Variants in XPO7 observed in about 807,000 individuals in gnomAD.
XPO7 encodes the protein exportin 7.
A neutral mutation model predicts 144.3 loss-of-function variants in XPO7; 21 were observed. The observed-to-expected ratio is 0.15, with a 90% confidence interval of 0.10 to 0.21. The LOEUF is 0.21. Among genes scored for constraint, XPO7 ranks in the 10% least tolerant of loss-of-function variants. The pLI is 1.00. For synonymous variants in XPO7, 580 were observed against 499.6 expected (o/e 1.16, Z -2.15); for missense variants, 808 against 1,325.8 (o/e 0.61, Z 6.06).
chr8:21,955,294 T>G lies in XPO7; in HGVS notation c.19-11563T>G, dbSNP rs567232870. Among the ~76,000 whole-genome samples, 16 of 152,142 alleles carry G rather than the reference T, an allele frequency of 1.1e-4. No individual in the cohort carries two copies. The South Asian group carries it at 1.7e-3, about 16-fold the overall frequency. ...GGTGGCAAAAGCCAGGTATATGGGG[T>G]TTTTTTTCCTCCTTATCAGAACTCA... On this transcript the variant is annotated intron_variant, in intron 1 of 27. Coordinates refer to ENST00000252512, the MANE Select transcript of XPO7 (RefSeq NM_015024.5).
At chr8:21,928,052 C>G (rs1810520533) in intron 1 of XPO7, among the ~76,000 whole-genome samples, 1 of 152,214 alleles carries the variant, frequency 6.6e-6, no homozygotes, top group South Asian at 2.1e-4. Context: ...ACCTGTGACT[C>G]CGGGATCAAA....
intron 1 of XPO7, among the ~76,000 whole-genome samples, chr8:21,946,530 C>T (rs1451117786): frequency 3.3e-5 from 4 of 122,248 alleles, no homozygotes; most frequent in Admixed American, 2.8e-4. Context: ...TAAGATACCA[C>T]GAAATAACTA....
chr8:21,959,869 CG>C (rs1563322018), intron 1 of XPO7, among the ~76,000 whole-genome samples: 1 of 152,150 alleles, frequency 6.6e-6, no homozygotes, highest in African/African-American at 2.4e-5. Context: ...CACAGTCATA[CG>C]TTAAGACCGG....
chr8:21,962,889 A>G (rs1811769794), intron 1 of XPO7, among the ~76,000 whole-genome samples: 1 of 152,196 alleles, frequency 6.6e-6, no homozygotes, highest in East Asian at 1.9e-4. Flanking sequence ...AAATAGAGTA[A>G]AATGTAATTT....
intron 20 of XPO7, 34 bp downstream of exon 20, chr8:21,994,485 C>T (rs1290692291): frequency 6.4e-7 from 1 of 1,569,842 alleles, no homozygotes; most frequent in Admixed American, 1.7e-5. Context: ...ACACTACAGC[C>T]TGCCTTAACT....
intron 1 of XPO7, among the ~76,000 whole-genome samples, chr8:21,957,717 A>T (rs1811583451): frequency 6.6e-6 from 1 of 152,206 alleles, no homozygotes; most frequent in African/African-American, 2.4e-5. Context: ...AGACGTTCTT[A>T]TGAAGCTCCT....
At position 21,980,306 on chromosome 8, in the gene XPO7, G is replaced by C. The variant is rs1424600603; in HGVS notation, c.957+103G>C. ...CAAGGCCCAGTAAACAATTCAGTCT[G>C]TTCTTCAGGGAAGACTGAAGTGAAT... On this transcript the variant is annotated intron_variant, in intron 9 of 27. Transcript: ENST00000252512. 3.7e-6 allele frequency: 5 copies of C among 1,351,656 alleles called. No individual in the cohort carries two copies. The South Asian group carries it at 4.8e-5, about 13-fold the overall frequency. 83.7% of individuals were successfully genotyped at this position (1,351,656 alleles called of 1,614,324 possible). A position where few individuals can be genotyped will look rare whatever the true frequency, so the allele number is the denominator to read the frequency against.
At chr8:21,968,860 C>G (rs894494330) in intron 2 of XPO7, among the ~76,000 whole-genome samples, 18 of 152,152 alleles carry the variant, frequency 1.2e-4, no homozygotes, top group Non-Finnish European at 2.4e-4. Flanking sequence ...CTTGTTAAAC[C>G]CACATTTGAG....
At chr8:21,955,932 T>C (rs193266168) in intron 1 of XPO7, among the ~76,000 whole-genome samples, 169 of 152,186 alleles carry the variant, frequency 1.1e-3, no homozygotes, top group African/African-American at 3.7e-3. Context: ...TTTCACCCTG[T>C]TGGCCAGGAT....
chr8:21,966,343 A>G, intron 1 of XPO7: 2 of 779,702 alleles, frequency 2.6e-6, no homozygotes, highest in Non-Finnish European at 4.8e-6. Flanking sequence ...AGCTTTCTCT[A>G]GAGGTTTTCT....
intron 21 of XPO7, among the ~76,000 whole-genome samples, chr8:21,996,871 A>G (rs749266926): frequency 1.3e-5 from 2 of 152,084 alleles, no homozygotes; most frequent in Non-Finnish European, 2.9e-5. Context: ...ACAGTGGCGC[A>G]GTCTTGGCTC....
rs572923510 is a variant in XPO7 at position 21,969,710 on chromosome 8, C to T, written c.259+134C>T. ...CATACAAAATGTCTAGAATCCAGTT[C>T]GTTTCCAGAATTTGGGGCTTATGAA... On this transcript the variant is annotated intron_variant, in intron 3 of 27. Transcript: ENST00000252512. 30 of 925,148 alleles carry T rather than the reference C, an allele frequency of 3.2e-5. No homozygotes were observed. The East Asian group carries it at 4.9e-4, about 15-fold the overall frequency. The allele number at this position is 925,148 out of a possible 1,614,324, so 57.3% of individuals were successfully genotyped here.
intron 19 of XPO7, 38 bp downstream of exon 19, chr8:21,992,012 G>T (rs372798194): frequency 1.7e-5 from 26 of 1,534,224 alleles, no homozygotes; most frequent in Non-Finnish European, 2.1e-5. Flanking sequence ...ATCAGCTTCT[G>T]GTTTAGGGCA....
intron 18 of XPO7, 67 bp downstream of exon 18, chr8:21,990,986 T>C (rs1049929220): frequency 2.1e-6 from 3 of 1,432,606 alleles, no homozygotes; most frequent in Non-Finnish European, 2.9e-6. Flanking sequence ...ATTTGAGGAC[T>C]GAAAACTAGA....
At chr8:21,923,044 G>C (rs1810341209) in intron 1 of XPO7, among the ~76,000 whole-genome samples, 1 of 152,132 alleles carries the variant, frequency 6.6e-6, no homozygotes, top group Admixed American at 6.6e-5. Flanking sequence ...TGTTTTTTCA[G>C]CTTTTAACAA....
chr8:21,977,753 G>A lies in XPO7; in HGVS notation c.764-17G>A. The A allele has an allele frequency of 6.2e-7, 1 of 1,613,096 alleles. No individual in the cohort carries two copies. Among genetic ancestry groups the A allele is most frequent in the Non-Finnish European group, 8.5e-7 (1 of 1,179,336 alleles). On this transcript the variant is annotated splice_polypyrimidine_tract_variant and intron_variant, in intron 7 of 27. Coordinates refer to ENST00000252512, the MANE Select transcript of XPO7 (RefSeq NM_015024.5). ...CATACTTAATAAAGTGATGTCTTTT[G>A]TCTTTTTCTTCCCCAGCCTTCTTAG...
rs1416923059 is a variant in XPO7 at position 22,005,416 on chromosome 8, CAT to C, written c.*329_*330del. On this transcript the variant is annotated 3_prime_UTR_variant, in exon 28 of 28. Transcript: ENST00000252512. Reference sequence around the variant, plus strand: ...CCTGCCACAACCTGCCTTGTATAAACATGTACATTTTTTCATAACATTTTGAA... The same window carrying C: ...CCTGCCACAACCTGCCTTGTATAAACGTACATTTTTTCATAACATTTTGAA... 5 of 206,590 alleles carry C rather than the reference CAT, an allele frequency of 2.4e-5. No homozygotes were observed. The highest frequency in any genetic ancestry group is 3.9e-5 in the Non-Finnish European group (4 of 103,520). 12.8% of individuals were successfully genotyped at this position (206,590 alleles called of 1,614,324 possible).
chr8:21,987,897 C>T (rs750273961), intron 15 of XPO7, 40 bp downstream of exon 15: 6 of 1,595,966 alleles, frequency 3.8e-6, no homozygotes, highest in Admixed American at 3.4e-5. Flanking sequence ...GTCCTTTGCA[C>T]TCCTGTTGCA....
chr8:21,922,138 T>A (rs1810309344), intron 1 of XPO7, among the ~76,000 whole-genome samples: 1 of 152,214 alleles, frequency 6.6e-6, no homozygotes, highest in Non-Finnish European at 1.5e-5. Flanking sequence ...TTTGTTGAAC[T>A]AAATAGTCGA....
Sources: gnomAD v4.1 joint callset for allele counts (sites outside exome capture counted in the v4.1 genomes callset) on GRCh38, gnomAD v4.1.1 for gene constraint, MANE v1.5 for transcripts, NCBI Gene and HGNC (gene_info 2026-07-23, HGNC 2026-07-21) for gene names.